XRRA1: variants seen among roughly 807,000 people sequenced by gnomAD.
The protein encoded by XRRA1 is X-ray radiation resistance associated 1, also known as X-ray radiation resistance-associated protein 1.
A neutral mutation model predicts 80.2 loss-of-function variants in XRRA1; 69 were observed. That is an observed-to-expected ratio of 0.86 (90% CI 0.71 to 1.05). The LOEUF (loss-of-function observed/expected upper bound fraction) is 1.05, where lower values mean the gene tolerates loss of function less well. XRRA1 is among the 50% of genes least tolerant of loss of function. The probability of loss-of-function intolerance (pLI) is 0.00; values close to 1 mark genes in which losing one functional copy is unlikely to be tolerated. For synonymous variants in XRRA1, 348 were observed against 389.9 expected, an observed-to-expected ratio of 0.89 and a Z score of 1.27; for missense variants, 967 against 976.4, an observed-to-expected ratio of 0.99 and a Z score of 0.13.
At chr11:74,882,424 A>G (rs1420007922) in intron 10 of XRRA1, among the ~76,000 whole-genome samples, 2 of 151,516 alleles carry the variant, frequency 1.3e-5, no homozygotes, top group African/African-American at 2.4e-5. Flanking sequence ...AATTTTTTTC[A>G]AAGTTTTCAA....
intron 15 of XRRA1, among the ~76,000 whole-genome samples, chr11:74,847,632 TTCCTCCAGAC>T (rs2038644973): frequency 6.6e-6 from 1 of 152,164 alleles, no homozygotes; most frequent in African/African-American, 2.4e-5. Flanking sequence ...GCATCTCTCC[TTCCTCCAGAC>T]TCCCAGCCTC....
At chr11:74,896,015 G>A (rs1330484540) in intron 10 of XRRA1, among the ~76,000 whole-genome samples, 1 of 152,214 alleles carries the variant, frequency 6.6e-6, no homozygotes, top group South Asian at 2.1e-4. Flanking sequence ...TGAATAACCA[G>A]CAGCAATACT....
intron 10 of XRRA1, among the ~76,000 whole-genome samples, chr11:74,867,210 T>G (rs553909301): frequency 6.6e-6 from 1 of 152,086 alleles, no homozygotes; most frequent in Non-Finnish European, 1.5e-5. Flanking sequence ...CCACACTAGT[T>G]CTCCAGCAAT....
At chr11:74,879,882 G>T (rs1428136149) in intron 10 of XRRA1, among the ~76,000 whole-genome samples, 1 of 151,916 alleles carries the variant, frequency 6.6e-6, no homozygotes, top group Non-Finnish European at 1.5e-5. Flanking sequence ...TTTTATTGAG[G>T]ATTTTTGCAT....
rs562087679 is a variant in XRRA1, at chr11:74,843,387, C to G, written c.2216G>C (p.Arg739Thr). The G allele has an allele frequency of 6.2e-7, 1 of 1,612,578 alleles. No homozygotes were observed. Among genetic ancestry groups the G allele is most frequent in the East Asian group, 2.2e-5 (1 of 44,810 alleles). The part of the protein sequence containing the change: ...VNHKQYLEAK[R>T]LLKEFQARYR... ...ACGTGCCTGGAACTCCTTCAACAGCCTCTTGGCCTCCAGGTACTGCTTGTG... is the reference window on the plus strand; with the variant it reads ...ACGTGCCTGGAACTCCTTCAACAGCGTCTTGGCCTCCAGGTACTGCTTGTG... Residue 739 changes from arginine to threonine, a missense_variant, in exon 19 of 19, where the codon AGG becomes ACG. Coordinates refer to ENST00000684022, the MANE Select transcript of XRRA1 (RefSeq NM_001378157.1).
Position 74,906,426 on chromosome 11 carries a change from C to T in XRRA1, c.816G>A (p.Arg272=). ...RLKKLSLDEN[R]IIRIPYLQQV... is the part of the protein sequence containing the mutation. ...GCTGTAGGTATGGGATCCTGATAAT[C>T]CTGTTTTCATCCAAGCTTAACTTCT... Residue 272 remains arginine (R), a synonymous_variant, in exon 10 of 19, where the codon AGG becomes AGA. Coordinates refer to ENST00000684022, the MANE Select transcript of XRRA1 (RefSeq NM_001378157.1). The T allele has an allele frequency of 6.2e-7, 1 of 1,613,874 alleles. No individual in the cohort carries two copies. The highest frequency in any genetic ancestry group is 1.7e-5 in the Admixed American group (1 of 60,022).
chr11:74,911,853 C>G (rs1034471555), intron 8 of XRRA1, among the ~76,000 whole-genome samples: 7 of 152,210 alleles, frequency 4.6e-5, no homozygotes, highest in Admixed American at 3.3e-4. Context: ...TGAAACTGAA[C>G]TATGGTTTAA....
chr11:74,859,578 A>G (rs1172587301), intron 11 of XRRA1, among the ~76,000 whole-genome samples: 1 of 152,144 alleles, frequency 6.6e-6, no homozygotes, highest in Non-Finnish European at 1.5e-5. Flanking sequence ...CATCAGAGGT[A>G]CTTGGTCCCC....
At position 74,843,959 on chromosome 11, in the gene XRRA1, C is replaced by T. The variant is rs200481280; in HGVS notation, c.2044G>A (p.Ala682Thr). The change falls in exon 18 of 19, where the codon GCC becomes ACC. Residue 682 changes from alanine (A) to threonine (T), a missense_variant and splice_region_variant. Coordinates refer to ENST00000684022, the MANE Select transcript of XRRA1 (RefSeq NM_001378157.1). ...GGGGGTGGAATCGGGATTCTCTGGG[C>T]CTGGCAGAAGGTCATGGAGGAGGGT... The part of the protein sequence containing the change: ...QKPYVHKEKR[A>T]QRIPIPPPKK... 16 of 1,612,718 alleles carry T rather than the reference C, an allele frequency of 9.9e-6. No homozygotes were observed. The highest frequency in any genetic ancestry group is 1.4e-5 in the Non-Finnish European group (16 of 1,179,200).
intron 11 of XRRA1, among the ~76,000 whole-genome samples, chr11:74,861,654 G>A (rs990859997): frequency 1.1e-4 from 17 of 152,094 alleles, no homozygotes; most frequent in African/African-American, 3.9e-4. Context: ...TTCATCATCC[G>A]AAACCACCCA....
intron 4 of XRRA1, among the ~76,000 whole-genome samples, chr11:74,936,384 A>G (rs565106164): frequency 1.3e-5 from 2 of 152,350 alleles, no homozygotes; most frequent in South Asian, 2.1e-4. Flanking sequence ...GTCCCACTCA[A>G]TCCTGTAGAG....
chr11:74,904,410 C>T (rs1486311756), intron 10 of XRRA1, among the ~76,000 whole-genome samples: 5 of 151,110 alleles, frequency 3.3e-5, no homozygotes, highest in Admixed American at 6.6e-5. Context: ...AGTTTGAGCA[C>T]GATCGTGTAA....
At chr11:74,877,508 T>A (rs995898277) in intron 10 of XRRA1, among the ~76,000 whole-genome samples, 8 of 151,778 alleles carry the variant, frequency 5.3e-5, no homozygotes, top group Non-Finnish European at 1.2e-4. Flanking sequence ...CATGTGCACA[T>A]TGTGCAGGTT....
At chr11:74,941,804 A>G (rs1946387438) in intron 2 of XRRA1, among the ~76,000 whole-genome samples, 1 of 152,194 alleles carries the variant, frequency 6.6e-6, no homozygotes. Context: ...TTAATAAACT[A>G]AAGAATTAAA....
chr11:74,909,440 C>G (rs994849416), intron 8 of XRRA1, among the ~76,000 whole-genome samples: 1 of 152,122 alleles, frequency 6.6e-6, no homozygotes, highest in South Asian at 2.1e-4. Context: ...AAGAAATAAG[C>G]CTTTAAAAAA....
chr11:74,856,786 C>T (rs908826879), intron 12 of XRRA1, among the ~76,000 whole-genome samples: 22 of 152,170 alleles, frequency 1.4e-4, no homozygotes, highest in Non-Finnish European at 1.8e-4. Flanking sequence ...GGCAGGGGGC[C>T]TTACCAACCC....
At position 74,841,450 on chromosome 11, in the gene XRRA1, C is replaced by T. The variant is rs901457986; in HGVS notation, c.*1750G>A. ...AGACTAAGATATATGCAAGGGTCAC[C>T]AGTTTAGAGATCAGTCAAATTGGAA... On this transcript the variant is annotated 3_prime_UTR_variant, in exon 19 of 19. Coordinates refer to ENST00000684022, the MANE Select transcript of XRRA1 (RefSeq NM_001378157.1). The T allele has an allele frequency of 6.6e-6, 1 of 152,080 alleles. No homozygotes were observed. The highest frequency in any genetic ancestry group is 3.2e-3 in the Middle Eastern group (1 of 316). 9.4% of individuals were successfully genotyped at this position (152,080 alleles called of 1,614,324 possible).
At chr11:74,947,220 C>G (rs1947759033) in intron 1 of XRRA1, among the ~76,000 whole-genome samples, 2 of 152,092 alleles carry the variant, frequency 1.3e-5, no homozygotes, top group South Asian at 4.1e-4. Context: ...GACATTAAAG[C>G]TGGATCTTGA....
chr11:74,845,484 A>C (rs1424942107), intron 15 of XRRA1, among the ~76,000 whole-genome samples: 1 of 152,248 alleles, frequency 6.6e-6, no homozygotes, highest in African/African-American at 2.4e-5. Context: ...TCCCAGAGGA[A>C]GCCCCAACCT....
Sources: gnomAD v4.1 joint callset for allele counts (sites outside exome capture counted in the v4.1 genomes callset) on GRCh38, gnomAD v4.1.1 for gene constraint, MANE v1.5 for transcripts, NCBI Gene and HGNC (gene_info 2026-07-23, HGNC 2026-07-21) for gene names.